Variants in SNX25 observed in about 807,000 individuals in gnomAD.
SNX25 encodes the protein sorting nexin-25.
A neutral mutation model predicts 113.7 loss-of-function variants in SNX25; 62 were observed. The ratio of observed to expected loss-of-function variants is 0.55; its 90% CI spans 0.44 to 0.67. The LOEUF (loss-of-function observed/expected upper bound fraction) is 0.67. Among genes scored for constraint, SNX25 ranks in the 30% least tolerant of loss-of-function variants. The pLI, the probability that SNX25 is intolerant of heterozygous loss-of-function variation, is 0.00. For missense variants in SNX25, 1,014 were observed against 1,161.0 expected, an observed-to-expected ratio of 0.87 and a Z score of 1.84; for synonymous variants, 421 against 436.2, an observed-to-expected ratio of 0.97 and a Z score of 0.43.
chr4:185,328,972 C>T (rs939697573), intron 9 of SNX25, among the ~76,000 whole-genome samples: 2 of 151,906 alleles, frequency 1.3e-5, no homozygotes, highest in African/African-American at 4.8e-5. Flanking sequence ...TCTGCAGGCT[C>T]AAAAGGGGTT....
At chr4:185,287,389 C>T (rs188876075) in intron 5 of SNX25, among the ~76,000 whole-genome samples, 2 of 152,172 alleles carry the variant, frequency 1.3e-5, no homozygotes, top group East Asian at 3.9e-4. Flanking sequence ...GGGTTGGGAC[C>T]GTGTTCTAAA....
chr4:185,287,160 T>G (rs970186531), intron 5 of SNX25, among the ~76,000 whole-genome samples: 3 of 152,200 alleles, frequency 2.0e-5, no homozygotes, highest in African/African-American at 7.2e-5. Context: ...TAAAGCCCAA[T>G]TGAATTTATG....
At chr4:185,213,036 T>C (rs1414858741) in intron 1 of SNX25, among the ~76,000 whole-genome samples, 1 of 152,196 alleles carries the variant, frequency 6.6e-6, no homozygotes, top group African/African-American at 2.4e-5. Flanking sequence ...TAGAGAAACC[T>C]CACTGAAAAG....
rs2095216461 is a variant in SNX25, at chr4:185,334,396, G to A, written c.1914+1637G>A. On this transcript the variant is annotated intron_variant, in intron 10 of 18. Coordinates refer to ENST00000652585, the MANE Select transcript of SNX25 (RefSeq NM_001378034.2). The surrounding 1 kb of genome is among the most constrained non-coding windows in gnomAD (Gnocchi z 4.2). ...TGGTATTCTGAAAAGGAAACAAATG[G>A]CCAGGTTTCCTGGATTGTCATCAGA... 6.6e-6 allele frequency among the ~76,000 whole-genome samples: 1 copy of A among 152,238 alleles called. No homozygotes were observed. Among genetic ancestry groups the A allele is most frequent in the Non-Finnish European group, 1.5e-5 (1 of 67,990 alleles).
At chr4:185,326,009 T>C (rs1220073690) in intron 9 of SNX25, among the ~76,000 whole-genome samples, 2 of 152,238 alleles carry the variant, frequency 1.3e-5, no homozygotes, top group Non-Finnish European at 2.9e-5. Context: ...AACAGATTCT[T>C]ATTGCACTTA....
chr4:185,324,195 TAG>T (rs1450088970), intron 9 of SNX25, among the ~76,000 whole-genome samples: 2 of 152,144 alleles, frequency 1.3e-5, no homozygotes, highest in East Asian at 3.9e-4. Context: ...TAGAACTATA[TAG>T]CCCTGGAAGA....
chr4:185,327,669 G>A (rs984702684), intron 9 of SNX25, among the ~76,000 whole-genome samples: 1 of 152,170 alleles, frequency 6.6e-6, no homozygotes, highest in Non-Finnish European at 1.5e-5. Flanking sequence ...AACAAAGATG[G>A]TAACAGTCCT....
chr4:185,359,035 A>G (rs1383423209), intron 16 of SNX25, among the ~76,000 whole-genome samples: 1 of 152,192 alleles, frequency 6.6e-6, no homozygotes, highest in East Asian at 1.9e-4. Context: ...AACAAAGTTT[A>G]CTTCTACTTA....
intron 5 of SNX25, among the ~76,000 whole-genome samples, chr4:185,286,547 G>A (rs931797264): frequency 6.6e-6 from 1 of 152,214 alleles, no homozygotes; most frequent in Admixed American, 6.5e-5. Context: ...GCTGCTTTTA[G>A]CCTGCTTTCC....
At chr4:185,312,768 G>A (rs2095041596) in intron 7 of SNX25, among the ~76,000 whole-genome samples, 1 of 152,094 alleles carries the variant, frequency 6.6e-6, no homozygotes, top group South Asian at 2.1e-4. Flanking sequence ...CTCATGATCT[G>A]CCCACCTCAG....
At chr4:185,375,358 A>G in the SNX25 span, among the ~76,000 whole-genome samples, 1 of 143,986 alleles carries the variant, frequency 6.9e-6, no homozygotes, top group South Asian at 2.3e-4. Flanking sequence ...GTGAAGGCTG[A>G]GGCAGAAGAA....
At chr4:185,276,618 T>G (rs978734933) in intron 5 of SNX25, among the ~76,000 whole-genome samples, 1 of 152,158 alleles carries the variant, frequency 6.6e-6, no homozygotes, top group South Asian at 2.1e-4. Flanking sequence ...GAGGATGGCT[T>G]GAGCCCAGGA....
intron 5 of SNX25, among the ~76,000 whole-genome samples, chr4:185,287,617 A>G (rs1374682395): frequency 1.3e-5 from 2 of 152,212 alleles, no homozygotes; most frequent in Non-Finnish European, 2.9e-5. Flanking sequence ...TTATTAATTT[A>G]ATTGGATAGC....
At chr4:185,375,512 ATATG>A in the SNX25 span, 585 of 86,144 alleles carry the variant, frequency 6.8e-3, 18 homozygotes, top group South Asian at 0.026. Context: ...ATATATATAT[ATATG>A]TATATATATA....
intron 16 of SNX25, 106 bp downstream of exon 16, chr4:185,357,843 T>A: frequency 1.1e-6 from 1 of 952,332 alleles, no homozygotes; most frequent in Non-Finnish European, 1.7e-6. Context: ...AAGTCTTTAA[T>A]TTTCTCTCAC....
At chr4:185,367,307 T>C (rs1221289080), downstream of SNX25, 26 of 1,429,600 alleles carry the variant, frequency 1.8e-5, no homozygotes, top group Non-Finnish European at 2.3e-5. Flanking sequence ...TTTCTTCTTT[T>C]TTTTTTTTTC....
chr4:185,362,209 G>T, intron 17 of SNX25, 104 bp downstream of exon 17: 2 of 1,261,404 alleles, frequency 1.6e-6, no homozygotes, highest in Non-Finnish European at 2.0e-6. Context: ...TCTTTACAAT[G>T]AAAAAAAAAA....
chr4:185,212,933 C>T (rs1021714685), intron 1 of SNX25, among the ~76,000 whole-genome samples: 14 of 152,188 alleles, frequency 9.2e-5, no homozygotes, highest in Non-Finnish European at 1.3e-4. Context: ...TGGGATCAGT[C>T]CTTCTAGCTG....
intron 1 of SNX25, among the ~76,000 whole-genome samples, chr4:185,230,364 C>T (rs1741654950): frequency 3.3e-5 from 5 of 151,580 alleles, no homozygotes; most frequent in African/African-American, 9.7e-5. Flanking sequence ...CTAATAATAA[C>T]ACACTTCTGT....
Sources: gnomAD v4.1 joint callset for allele counts (sites outside exome capture counted in the v4.1 genomes callset) on GRCh38, gnomAD v4.1.1 for gene constraint, Gnocchi (gnomAD v3.1) non-coding constraint, MANE v1.5 for transcripts, NCBI Gene and HGNC (gene_info 2026-07-23, HGNC 2026-07-21) for gene names.